NECTIN1: variants seen among roughly 807,000 people sequenced by gnomAD.
NECTIN1 encodes the protein nectin-1.
In NECTIN1, 23 loss-of-function variants were observed where a neutral mutation model predicts 48.0. The ratio of observed to expected loss-of-function variants is 0.48; its 90% CI spans 0.34 to 0.68. The LOEUF (loss-of-function observed/expected upper bound fraction) is 0.68, where lower values mean the gene tolerates loss of function less well. Ranked by LOEUF, NECTIN1 falls within the 30% of genes least tolerant of loss-of-function variation. The pLI, the probability that NECTIN1 is intolerant of heterozygous loss-of-function variation, is 0.01. For missense variants in NECTIN1, 591 were observed against 709.9 expected (o/e 0.83, Z 1.90); for synonymous variants, 270 against 288.9 (o/e 0.93, Z 0.66).
At chr11:119,646,205 G>T (rs1156804637) in intron 5 of NECTIN1, among the ~76,000 whole-genome samples, 1 of 152,212 alleles carries the variant, frequency 6.6e-6, no homozygotes, top group Non-Finnish European at 1.5e-5. Context: ...AGGTCATCTT[G>T]AAGTCCCATT....
In NECTIN1 at chr11:119,661,901, G is replaced by T. The variant is rs954816233; in HGVS notation, c.*2846C>A. On this transcript the variant is annotated 3_prime_UTR_variant, in exon 6 of 6. Coordinates refer to ENST00000264025, the MANE Select transcript of NECTIN1 (RefSeq NM_002855.5). ...TGGAGGTGTGAGTGTGTCCACTGTG[G>T]GCACACGTACTGGGTCTGAGGTGGT... The T allele has an allele frequency of 4.1e-6, 4 of 985,220 alleles. No homozygotes were observed. The African/African-American group carries it at 7.0e-5, about 17-fold the overall frequency. The allele number at this position is 985,220 out of a possible 1,614,324, so 61.0% of individuals were successfully genotyped here.
intron 1 of NECTIN1, among the ~76,000 whole-genome samples, chr11:119,717,961 A>T: frequency 6.6e-6 from 1 of 152,236 alleles, no homozygotes; most frequent in East Asian, 1.9e-4. Flanking sequence ...TGGGCCACAG[A>T]GGCCGCGCGG....
intron 5 of NECTIN1, among the ~76,000 whole-genome samples, chr11:119,669,309 G>A (rs1864826672): frequency 6.6e-6 from 1 of 151,884 alleles, no homozygotes; most frequent in Non-Finnish European, 1.5e-5. Flanking sequence ...CTACTTGGGA[G>A]GCTGAGGCAG....
At chr11:119,682,756 TCATCAC>T (rs1865081676) in intron 1 of NECTIN1, among the ~76,000 whole-genome samples, 1 of 152,158 alleles carries the variant, frequency 6.6e-6, no homozygotes, top group Non-Finnish European at 1.5e-5. Flanking sequence ...TCCATCATCA[TCATCAC>T]CATCATCTTT....
chr11:119,718,335 CCT>C (rs1865777872), intron 1 of NECTIN1, among the ~76,000 whole-genome samples: 1 of 152,212 alleles, frequency 6.6e-6, no homozygotes, highest in African/African-American at 2.4e-5. Context: ...AGGATCAATG[CCT>C]CTCTCCCCAG....
Position 119,698,888 on chromosome 11 carries a change from A to T in NECTIN1, c.80-20123T>A, listed in dbSNP as rs1280962542. Among the ~76,000 whole-genome samples, 5 of 152,244 alleles carry T rather than the reference A, an allele frequency of 3.3e-5. 1 individual carries two copies. In the South Asian group the frequency reaches 1.0e-3, roughly 32 times the overall value. ...GAGCAAGACCCTTTCTAGCATCCCA[A>T]AGTGGGCTCCAGGCCCTCCCCAAAG... On this transcript the variant is annotated intron_variant, in intron 1 of 5. Coordinates refer to ENST00000264025, the MANE Select transcript of NECTIN1 (RefSeq NM_002855.5).
downstream of NECTIN1, among the ~76,000 whole-genome samples, chr11:119,658,667 T>C (rs1488138887): frequency 1.3e-5 from 2 of 152,186 alleles, no homozygotes; most frequent in East Asian, 3.8e-4. Flanking sequence ...ATGAGCCCCA[T>C]CTGACTCCGA....
chr11:119,638,306 C>T (rs1864268126), intron 7 of NECTIN1: 6 of 1,601,484 alleles, frequency 3.7e-6, no homozygotes, highest in Middle Eastern at 1.8e-4. Flanking sequence ...TCCAGGTGGC[C>T]CTCATGGACT....
rs1272034950 is a variant in NECTIN1, at chr11:119,677,905, C to T, written c.431-48G>A. The stretch of plus-strand genomic sequence containing the variant: ...ATGGGACTAGCCCTGTTGACTTGTC[C>T]AAGATGCACCGGCCAAAAGGGCGTG... On this transcript the variant is annotated intron_variant, in intron 2 of 5. Transcript: ENST00000264025. This position sits in a 1 kb window ranked among gnomAD's most constrained non-coding sequence, Gnocchi z 5.4. 2 of 1,585,314 alleles carry T rather than the reference C, an allele frequency of 1.3e-6. No homozygotes were observed. The highest frequency in any genetic ancestry group is 3.3e-5 in the Admixed American group (2 of 59,850).
Position 119,662,017 on chromosome 11 carries a change from A to G in NECTIN1, c.*2730T>C. 1 of 985,316 alleles carries G rather than the reference A, an allele frequency of 1.0e-6. No individual in the cohort carries two copies. Among genetic ancestry groups the G allele is most frequent in the Non-Finnish European group, 1.2e-6 (1 of 829,878 alleles). 61.0% of individuals were successfully genotyped at this position (985,316 alleles called of 1,614,324 possible). A position where few individuals can be genotyped will look rare whatever the true frequency, so the allele number is the denominator to read the frequency against. On this transcript the variant is annotated 3_prime_UTR_variant, in exon 6 of 6. Transcript: ENST00000264025. This position sits in a 1 kb window ranked among gnomAD's most constrained non-coding sequence, Gnocchi z 5.3. ...GACTCGGCTGGTTCTATTACACATT[A>G]GAACAATATCAAAATCTGTAAGGAA...
rs1864700296 is a variant in NECTIN1, at chr11:119,663,340, G to A, written c.*1407C>T. ...GGGTCTTCCTCCATTATATACATGG[G>A]AAGACCCAGTCTGGGGTGGCTGATA... is the stretch of plus-strand genomic sequence containing the variant. On this transcript the variant is annotated 3_prime_UTR_variant, in exon 6 of 6. Transcript: ENST00000264025. The A allele has an allele frequency of 1.0e-6, 1 of 985,328 alleles. No homozygotes were observed. Among genetic ancestry groups the A allele is most frequent in the Non-Finnish European group, 1.2e-6 (1 of 829,942 alleles). The allele number at this position is 985,328 out of a possible 1,614,324, so 61.0% of individuals were successfully genotyped here. A position where few individuals can be genotyped will look rare whatever the true frequency, so the allele number is the denominator to read the frequency against.
intron 5 of NECTIN1, among the ~76,000 whole-genome samples, chr11:119,650,234 C>T (rs559896927): frequency 1.3e-5 from 2 of 152,254 alleles, no homozygotes; most frequent in Non-Finnish European, 2.9e-5. Context: ...AAGGCAGGAA[C>T]CGGCCATCTG....
rs1210316160 is a variant in NECTIN1, at chr11:119,709,791, C to T, written c.79+18684G>A. ...GGCGGAGCGGGTTTGAGGGGGAGGA[C>T]CTAGCTGGTTTTTCCCAGCATCCCC... On this transcript the variant is annotated intron_variant, in intron 1 of 5. Coordinates refer to ENST00000264025, the MANE Select transcript of NECTIN1 (RefSeq NM_002855.5). The surrounding 1 kb of genome is among the most constrained non-coding windows in gnomAD (Gnocchi z 4.1). The T allele has an allele frequency of 6.6e-6, 1 of 152,106 alleles. No individual in the cohort carries two copies. Among genetic ancestry groups the T allele is most frequent in the Non-Finnish European group, 1.5e-5 (1 of 68,040 alleles). The allele number at this position is 152,106 out of a possible 1,614,324, so 9.4% of individuals were successfully genotyped here. A position where few individuals can be genotyped will look rare whatever the true frequency, so the allele number is the denominator to read the frequency against.
intron 1 of NECTIN1, among the ~76,000 whole-genome samples, chr11:119,718,021 G>A (rs1035833908): frequency 1.3e-5 from 2 of 152,248 alleles, no homozygotes; most frequent in African/African-American, 4.8e-5. Flanking sequence ...GAGGGTCTAG[G>A]AGGAATTTCG....
intron 5 of NECTIN1, chr11:119,674,513 G>GT (rs1591455479): frequency 1.9e-6 from 3 of 1,607,648 alleles, no homozygotes; most frequent in African/African-American, 1.4e-5. Flanking sequence ...TTTACAGATG[G>GT]TGGGGGGGGC....
At chr11:119,651,032 C>T (rs1363261725) in intron 5 of NECTIN1, among the ~76,000 whole-genome samples, 2 of 152,086 alleles carry the variant, frequency 1.3e-5, no homozygotes, top group Admixed American at 6.5e-5. Flanking sequence ...GTCTGTAATT[C>T]TTGGATAGGT....
At position 119,677,620 on chromosome 11, in the gene NECTIN1, G is replaced by T; in HGVS notation, c.668C>A (p.Ser223Tyr). The T allele has an allele frequency of 1.2e-6, 2 of 1,613,686 alleles. No individual in the cohort carries two copies. Among genetic ancestry groups the T allele is most frequent in the Non-Finnish European group, 1.7e-6 (2 of 1,180,022 alleles). Residue 223 changes from serine (S) to tyrosine (Y), a missense_variant, in exon 3 of 6, where the codon TCC becomes TAC. Ser to Tyr is a moderately radical substitution (Grantham distance 144). Transcript: ENST00000264025. The surrounding 1 kb of genome is among the most constrained non-coding windows in gnomAD (Gnocchi z 5.4). ...GTGGTAGTTGACGATGCAGGCCAAG[G>T]ACTGCTGGTGGGCTTCCCTGCTGGG... Reference protein sequence around the residue: ...LVPSREAHQQSLACIVNYHMD... With the variant: ...LVPSREAHQQYLACIVNYHMD...
chr11:119,660,213 G>A (rs555841074), downstream of NECTIN1, among the ~76,000 whole-genome samples: 9,406 of 131,014 alleles, frequency 0.072, 322 homozygotes, highest in East Asian at 0.18. Context: ...ACTGGGTGCG[G>A]GGGGTGACGG....
chr11:119,681,200 C>T (rs748010607), intron 1 of NECTIN1, among the ~76,000 whole-genome samples: 1 of 152,266 alleles, frequency 6.6e-6, no homozygotes, highest in Non-Finnish European at 1.5e-5. Context: ...GGGTGCTCCC[C>T]ACCCCTCCCC....
Sources: gnomAD v4.1 joint callset for allele counts (sites outside exome capture counted in the v4.1 genomes callset) on GRCh38, gnomAD v4.1.1 for gene constraint, Gnocchi (gnomAD v3.1) non-coding constraint, MANE v1.5 for transcripts, NCBI Gene and HGNC (gene_info 2026-07-23, HGNC 2026-07-21) for gene names.